Variants in DSCAM observed in about 807,000 individuals in gnomAD.
The protein encoded by DSCAM is cell adhesion molecule DSCAM.
A neutral mutation model predicts 217.7 loss-of-function variants in DSCAM; 47 were observed. That is an observed-to-expected ratio of 0.22 (90% CI 0.17 to 0.28). The LOEUF (loss-of-function observed/expected upper bound fraction) is 0.28. Among genes scored for constraint, DSCAM ranks in the 10% least tolerant of loss-of-function variants. The pLI, the probability that DSCAM is intolerant of heterozygous loss-of-function variation, is 1.00. For synonymous variants in DSCAM, 1,056 were observed against 1,015.3 expected (o/e 1.04, Z -0.76); for missense variants, 2,080 against 2,618.3 (o/e 0.79, Z 4.49).
intron 3 of DSCAM, among the ~76,000 whole-genome samples, chr21:40,625,713 A>G (rs139185145): frequency 1.3e-5 from 2 of 152,264 alleles, no homozygotes; most frequent in African/African-American, 4.8e-5. Flanking sequence ...CTTATTCTCT[A>G]TTGGATCACT....
intron 1 of DSCAM, among the ~76,000 whole-genome samples, chr21:40,728,485 C>T (rs1052754403): frequency 3.3e-5 from 5 of 151,944 alleles, no homozygotes; most frequent in Non-Finnish European, 7.4e-5. Context: ...GTGGTGCAAT[C>T]TTGACTCACT....
chr21:40,403,269 C>T (rs1462998627), intron 3 of DSCAM, among the ~76,000 whole-genome samples: 1 of 151,092 alleles, frequency 6.6e-6, no homozygotes, highest in African/African-American at 2.4e-5. Flanking sequence ...TTTAAAAGAA[C>T]AATTTTTTAA....
intron 30 of DSCAM, among the ~76,000 whole-genome samples, chr21:40,044,961 G>A (rs1266130551): frequency 6.6e-6 from 1 of 152,160 alleles, no homozygotes; most frequent in African/African-American, 2.4e-5. Context: ...TGGAAATAAG[G>A]TCATCACAGA....
chr21:40,134,374 C>T (rs530387265), intron 18 of DSCAM, among the ~76,000 whole-genome samples: 175 of 152,288 alleles, frequency 1.1e-3, no homozygotes, highest in African/African-American at 4.1e-3. Context: ...ACACTTAGGG[C>T]GACACACACA....
At chr21:40,348,126 A>G (rs898224839) in intron 5 of DSCAM, among the ~76,000 whole-genome samples, 181 bp from the exon 6 acceptor site, 11 of 152,086 alleles carry the variant, frequency 7.2e-5, no homozygotes, top group African/African-American at 2.7e-4. Context: ...TATTGCAATC[A>G]TACTCCACAC....
intron 3 of DSCAM, among the ~76,000 whole-genome samples, chr21:40,424,692 G>T (rs1247918640): frequency 6.6e-6 from 1 of 152,138 alleles, no homozygotes; most frequent in African/African-American, 2.4e-5. Context: ...ATAATCAAAG[G>T]TTCAACAACG....
chr21:40,144,549 A>G lies in DSCAM; in HGVS notation c.3201T>C (p.Cys1067=). 6.2e-7 allele frequency: 1 copy of G among 1,614,210 alleles called. No individual in the cohort carries two copies. The highest frequency in any genetic ancestry group is 8.5e-7 in the Non-Finnish European group (1 of 1,180,032). The part of the protein sequence containing the change: ...FTQYGLVVQA[C]NRAGTGPSSQ... ...AAGAAGGCCCCGTGCCGGCCCGGTTACAGGCCTGCACCACCAGGCCGTACT... is the reference window on the plus strand; with the variant it reads ...AAGAAGGCCCCGTGCCGGCCCGGTTGCAGGCCTGCACCACCAGGCCGTACT... The change falls in exon 17 of 33, where the codon TGT becomes TGC. Residue 1067 remains cysteine, a synonymous_variant. Coordinates refer to ENST00000400454, the MANE Select transcript of DSCAM (RefSeq NM_001389.5). The surrounding 1 kb of genome is among the most constrained non-coding windows in gnomAD (Gnocchi z 4.8).
chr21:40,705,149 T>A (rs1367011276), intron 2 of DSCAM, among the ~76,000 whole-genome samples: 1 of 152,202 alleles, frequency 6.6e-6, no homozygotes, highest in Non-Finnish European at 1.5e-5. Context: ...CAGAGGAGCC[T>A]TTCCAAAGTT....
chr21:40,259,246 C>T (rs1324331187), intron 11 of DSCAM, among the ~76,000 whole-genome samples: 2 of 150,312 alleles, frequency 1.3e-5, no homozygotes, highest in African/African-American at 4.9e-5. Flanking sequence ...TCACCTCCCT[C>T]GAAGGATCTG....
intron 11 of DSCAM, among the ~76,000 whole-genome samples, chr21:40,203,939 T>C (rs539370905): frequency 1.2e-3 from 177 of 152,314 alleles, no homozygotes; most frequent in African/African-American, 4.0e-3. Flanking sequence ...TAAAAGTAAA[T>C]TTCACTTATG....
chr21:40,644,229 A>G (rs1223657669), intron 3 of DSCAM, among the ~76,000 whole-genome samples: 1 of 152,228 alleles, frequency 6.6e-6, no homozygotes, highest in East Asian at 1.9e-4. Context: ...ACGCTCTTTC[A>G]AATAAAAGAG....
chr21:40,123,350 C>T (rs906536093), intron 20 of DSCAM, among the ~76,000 whole-genome samples: 16 of 152,148 alleles, frequency 1.1e-4, no homozygotes, highest in South Asian at 6.2e-4. Context: ...ACTCAACAAA[C>T]GCTTAGTGAA....
At position 40,599,419 on chromosome 21, in the gene DSCAM, G is replaced by A. The variant is rs574014021; in HGVS notation, c.508+93391C>T. Among the ~76,000 whole-genome samples the A allele has an allele frequency of 3.9e-5, 6 of 152,136 alleles. No homozygotes were observed. The East Asian group carries it at 9.7e-4, about 25-fold the overall frequency. On this transcript the variant is annotated intron_variant, in intron 3 of 32. Transcript: ENST00000400454. ...CTCAGTATGTGTTGTTCTCCTCCCT[G>A]TGTCCATGTGTTATCATTGTTCTGG...
At chr21:40,623,220 A>G (rs1258956926) in intron 3 of DSCAM, among the ~76,000 whole-genome samples, 2 of 135,904 alleles carry the variant, frequency 1.5e-5, no homozygotes, top group Admixed American at 1.6e-4. Context: ...ACTGCATAAA[A>G]TATTTTGAAG....
chr21:40,261,650 T>TACACACACACACACA lies in DSCAM; in HGVS notation c.2356+14446_2356+14447insTGTGTGTGTGTGTGT, dbSNP rs373042306. On this transcript the variant is annotated intron_variant, in intron 11 of 32. Transcript: ENST00000400454. ...ATAATAAACTTATTCTCTCTCTCTC[T>TACACACACACACACA]CTACACACACACACACACACACACA... Among the ~76,000 whole-genome samples the TACACACACACACACA allele has an allele frequency of 6.0e-3, 671 of 112,628 alleles. 2 individuals are homozygous for TACACACACACACACA. The highest frequency in any genetic ancestry group is 0.017 in the African/African-American group (573 of 34,512). The allele number at this position is 112,628 out of a possible 152,430, so 73.9% of individuals were successfully genotyped here.
intron 3 of DSCAM, among the ~76,000 whole-genome samples, chr21:40,669,048 A>C (rs550738136): frequency 3.0e-4 from 45 of 152,314 alleles, no homozygotes; most frequent in African/African-American, 1.1e-3. Flanking sequence ...TCTTATTCAT[A>C]GCTATATTCA....
chr21:40,086,053 C>T (rs2089528232), intron 22 of DSCAM, among the ~76,000 whole-genome samples: 1 of 152,180 alleles, frequency 6.6e-6, no homozygotes, highest in East Asian at 1.9e-4. Flanking sequence ...CTGATGGGTC[C>T]CTCTTTACTC....
chr21:40,828,513 C>T (rs140401762), intron 1 of DSCAM, among the ~76,000 whole-genome samples: 116 of 152,258 alleles, frequency 7.6e-4, no homozygotes, highest in African/African-American at 2.4e-3. Flanking sequence ...ATAAAGTCCC[C>T]TAGCCAAATG....
At chr21:40,340,933 T>C (rs1233809437) in intron 6 of DSCAM, among the ~76,000 whole-genome samples, 3 of 152,168 alleles carry the variant, frequency 2.0e-5, no homozygotes, top group Non-Finnish European at 4.4e-5. Context: ...AGGCCAGTTA[T>C]GTAGGGTCTT....
Sources: gnomAD v4.1 joint callset for allele counts (sites outside exome capture counted in the v4.1 genomes callset) on GRCh38, gnomAD v4.1.1 for gene constraint, Gnocchi (gnomAD v3.1) non-coding constraint, MANE v1.5 for transcripts, NCBI Gene and HGNC (gene_info 2026-07-23, HGNC 2026-07-21) for gene names.